Variants in MALRD1 observed in about 807,000 individuals in gnomAD.
MALRD1 encodes MAM and LDL receptor class A domain containing 1.
Under a neutral mutation model 242.1 loss-of-function variants are expected in MALRD1, and 247 were observed. The ratio of observed to expected loss-of-function variants is 1.02; its 90% CI spans 0.92 to 1.13. The LOEUF (loss-of-function observed/expected upper bound fraction) is 1.13, where lower values mean the gene tolerates loss of function less well. Among genes scored for constraint, MALRD1 ranks in the 50% most tolerant of loss-of-function variants. The probability of loss-of-function intolerance (pLI) is 0.00; values close to 1 mark genes in which losing one functional copy is unlikely to be tolerated. For synonymous variants in MALRD1, 995 were observed against 866.6 expected (o/e 1.15, Z -2.60); for missense variants, 2,989 against 2,533.1 (o/e 1.18, Z -3.86).
intron 11 of MALRD1, among the ~76,000 whole-genome samples, chr10:19,148,548 A>G (rs1246161667): frequency 6.6e-6 from 1 of 151,988 alleles, no homozygotes; most frequent in African/African-American, 2.4e-5. Context: ...TATGTTTGTA[A>G]TTCACCTTTA....
At chr10:19,261,371 C>A (rs926700765) in intron 19 of MALRD1, among the ~76,000 whole-genome samples, 2 of 150,542 alleles carry the variant, frequency 1.3e-5, no homozygotes, top group African/African-American at 4.9e-5. Flanking sequence ...CTTGTTGAAT[C>A]CATAGGTTTT....
intron 5 of MALRD1, among the ~76,000 whole-genome samples, chr10:19,121,626 A>C: frequency 6.6e-6 from 1 of 152,108 alleles, no homozygotes; most frequent in South Asian, 2.1e-4. Flanking sequence ...ATGAGAGGAG[A>C]GGAAATTGGC....
chr10:19,441,031 C>G (rs1457597911), intron 28 of MALRD1, among the ~76,000 whole-genome samples: 1 of 152,076 alleles, frequency 6.6e-6, no homozygotes, highest in Non-Finnish European at 1.5e-5. Context: ...TTAATGATCT[C>G]CATTCTAACT....
rs1264044391 is a variant in MALRD1, at chr10:19,491,547, T to C, written c.5060T>C (p.Ile1687Thr). ...VGEISELCPE[I>T]TDFLCRDKKC... ...GAGATCTCTGAGCTTTGTCCGGAAA[T>C]CACTGATTTTTTGTGCCGGGACAAG... The change falls in exon 30 of 40, where the codon ATC (isoleucine) becomes ACC (threonine). Residue 1687 changes from isoleucine to threonine, a missense_variant. Physicochemically the swap from Ile to Thr is moderately conservative, Grantham distance 89 (BLOSUM62 -1). Transcript: ENST00000454679. The C allele has an allele frequency of 1.3e-6, 2 of 1,550,190 alleles. No homozygotes were observed. Among genetic ancestry groups the C allele is most frequent in the Admixed American group, 3.9e-5 (2 of 51,008 alleles).
intron 21 of MALRD1, among the ~76,000 whole-genome samples, chr10:19,319,936 T>G (rs1215614684): frequency 6.6e-6 from 1 of 152,108 alleles, no homozygotes; most frequent in African/African-American, 2.4e-5. Flanking sequence ...TTAAAACATT[T>G]AATGCATTTG....
chr10:19,512,305 T>C (rs1295290278), intron 31 of MALRD1, among the ~76,000 whole-genome samples: 2 of 152,190 alleles, frequency 1.3e-5, no homozygotes, highest in Non-Finnish European at 2.9e-5. Context: ...GCAGCTCTAT[T>C]GTTATGGGCA....
intron 14 of MALRD1, among the ~76,000 whole-genome samples, chr10:19,199,330 T>C (rs1471351064): frequency 6.6e-6 from 1 of 152,226 alleles, no homozygotes; most frequent in Non-Finnish European, 1.5e-5. Flanking sequence ...TAATGCTTGG[T>C]ATAGAATAGC....
intron 5 of MALRD1, among the ~76,000 whole-genome samples, chr10:19,105,453 G>GT (rs1836431081): frequency 6.6e-6 from 1 of 151,922 alleles, no homozygotes; most frequent in African/African-American, 2.4e-5. Context: ...CTTGGCTATT[G>GT]TAAGTAGTTC....
intron 31 of MALRD1, among the ~76,000 whole-genome samples, chr10:19,508,403 A>G (rs528256904): frequency 9.2e-5 from 14 of 152,320 alleles, no homozygotes; most frequent in African/African-American, 3.4e-4. Flanking sequence ...GATGTAAAAC[A>G]TGATGTTTTT....
chr10:19,119,291 G>A (rs781410418), intron 5 of MALRD1, among the ~76,000 whole-genome samples: 3 of 152,168 alleles, frequency 2.0e-5, no homozygotes, highest in Non-Finnish European at 4.4e-5. Context: ...ACCGCCCAAG[G>A]GGTTCACCTT....
intron 28 of MALRD1, among the ~76,000 whole-genome samples, chr10:19,428,057 A>G (rs1482134799): frequency 6.6e-6 from 1 of 151,640 alleles, no homozygotes; most frequent in African/African-American, 2.4e-5. Flanking sequence ...TGTGATCAGC[A>G]TCAACGTTCC....
intron 31 of MALRD1, among the ~76,000 whole-genome samples, chr10:19,520,564 G>T (rs1833833453): frequency 6.6e-6 from 1 of 152,174 alleles, no homozygotes. Flanking sequence ...AATGTGTCTT[G>T]CAGATTTAGT....
In MALRD1 at chr10:19,388,613, C is replaced by T. The variant is rs1035285937; in HGVS notation, c.4688-839C>T. 2.0e-5 allele frequency among the ~76,000 whole-genome samples: 3 copies of T among 152,066 alleles called. No individual in the cohort carries two copies. In the East Asian group the frequency reaches 5.8e-4, roughly 29 times the overall value. ...TATATGAAGAGAAAAGAGTTTGAAACCTATAGAGATGCCATGAAAATTTAA... is the reference window on the plus strand; with the variant it reads ...TATATGAAGAGAAAAGAGTTTGAAATCTATAGAGATGCCATGAAAATTTAA... On this transcript the variant is annotated intron_variant, in intron 27 of 39. Coordinates refer to ENST00000454679, the MANE Select transcript of MALRD1 (RefSeq NM_001142308.3).
At chr10:19,166,136 T>C (rs183556880) in intron 13 of MALRD1, among the ~76,000 whole-genome samples, 2 of 152,320 alleles carry the variant, frequency 1.3e-5, no homozygotes, top group Admixed American at 1.3e-4. Context: ...ATGAATAAGA[T>C]GGCAGAGAGA....
At chr10:19,624,901 A>G (rs1233390803) in intron 36 of MALRD1, among the ~76,000 whole-genome samples, 1 of 138,246 alleles carries the variant, frequency 7.2e-6, no homozygotes, top group Non-Finnish European at 1.6e-5. Context: ...AAAAAAAAAG[A>G]TCGGGAACAT....
chr10:19,563,785 T>C (rs1374166013), intron 32 of MALRD1, among the ~76,000 whole-genome samples: 1 of 152,202 alleles, frequency 6.6e-6, no homozygotes, highest in African/African-American at 2.4e-5. Flanking sequence ...CTAATACACA[T>C]CTGATATAGG....
At chr10:19,556,671 T>C (rs1835732516) in intron 32 of MALRD1, among the ~76,000 whole-genome samples, 1 of 152,166 alleles carries the variant, frequency 6.6e-6, no homozygotes, top group South Asian at 2.1e-4. Context: ...TTCAAAGACA[T>C]GTTAGTTGCT....
At chr10:19,644,241 G>A (rs952768732) in intron 36 of MALRD1, among the ~76,000 whole-genome samples, 3 of 152,112 alleles carry the variant, frequency 2.0e-5, no homozygotes, top group African/African-American at 7.2e-5. Flanking sequence ...AGATTCAAAG[G>A]CAATGCTTTA....
chr10:19,170,641 G>C (rs1588645056), intron 13 of MALRD1, among the ~76,000 whole-genome samples: 1 of 152,056 alleles, frequency 6.6e-6, no homozygotes, highest in Non-Finnish European at 1.5e-5. Context: ...ATGAAATCTT[G>C]TTTCTCCAGA....
Sources: allele counts gnomAD v4.1 joint callset (sites outside exome capture counted in the v4.1 genomes callset), GRCh38; gene constraint gnomAD v4.1.1; transcripts MANE v1.5; gene names NCBI Gene and HGNC (gene_info 2026-07-23, HGNC 2026-07-21).